The following MORN5 variants were observed in gnomAD, a reference collection of about 807,000 sequenced individuals.
MORN5 encodes MORN repeat-containing protein 5.
In MORN5, 21 loss-of-function variants were observed where a neutral mutation model predicts 22.1. That is an observed-to-expected ratio of 0.95 (90% CI 0.67 to 1.37). The LOEUF (loss-of-function observed/expected upper bound fraction) is 1.37, where lower values mean the gene tolerates loss of function less well. Ranked by LOEUF, MORN5 falls within the 40% of genes most tolerant of loss-of-function variation. MORN5 has a pLI of 0.00. For synonymous variants in MORN5, 73 were observed against 74.0 expected (o/e 0.99, Z 0.07); for missense variants, 211 against 215.1 (o/e 0.98, Z 0.12).
intron 4 of MORN5, among the ~76,000 whole-genome samples, chr9:122,185,505 C>T (rs1008665560): frequency 6.9e-6 from 1 of 143,944 alleles, no homozygotes; most frequent in African/African-American, 2.7e-5. Context: ...GGATTACAGG[C>T]GTGAGCCACT....
At chr9:122,174,727 GC>G (rs763947478) in intron 4 of MORN5, 100 bp downstream of exon 4, 9 of 1,601,700 alleles carry the variant, frequency 5.6e-6, no homozygotes, top group Non-Finnish European at 6.8e-6. Context: ...TGAGAAAGAA[GC>G]TTTTGCTGAT....
rs921836530 is a variant in MORN5 at position 122,197,347 on chromosome 9, A to G, written c.440-2538A>G. ...GAGAAGGTGAAGATATTCTCAGACAATCATATTAACATATTCCAACAATCG... is the reference window on the plus strand; with the variant it reads ...GAGAAGGTGAAGATATTCTCAGACAGTCATATTAACATATTCCAACAATCG... On this transcript the variant is annotated intron_variant, in intron 4 of 4. Transcript: ENST00000373764. This position sits in a 1 kb window ranked among gnomAD's most constrained non-coding sequence, Gnocchi z 5.7. 2.0e-5 allele frequency among the ~76,000 whole-genome samples: 3 copies of G among 152,218 alleles called. No homozygotes were observed. Among genetic ancestry groups the G allele is most frequent in the Non-Finnish European group, 4.4e-5 (3 of 68,042 alleles).
At chr9:122,189,063 C>T (rs1034398098) in intron 4 of MORN5, among the ~76,000 whole-genome samples, 2 of 151,980 alleles carry the variant, frequency 1.3e-5, no homozygotes, top group Non-Finnish European at 1.5e-5. Flanking sequence ...GGTGTGGTGG[C>T]GGGTGCCTGT....
intron 1 of MORN5, among the ~76,000 whole-genome samples, chr9:122,163,425 G>A (rs1829231241): frequency 2.0e-5 from 3 of 152,250 alleles, no homozygotes; most frequent in Non-Finnish European, 2.9e-5. Flanking sequence ...GAGCCCTGCT[G>A]CTGTGGCCCT....
intron 4 of MORN5, among the ~76,000 whole-genome samples, chr9:122,176,561 T>G (rs1373151744): frequency 6.6e-6 from 1 of 152,196 alleles, no homozygotes; most frequent in Non-Finnish European, 1.5e-5. Flanking sequence ...CTGCGTTATC[T>G]TGTATCAGTA....
At chr9:122,166,286 A>G (rs1227857566) in intron 1 of MORN5, among the ~76,000 whole-genome samples, 4 of 151,844 alleles carry the variant, frequency 2.6e-5, no homozygotes, top group Non-Finnish European at 5.9e-5. Context: ...AAGATTATAT[A>G]TATATATAAT....
intron 1 of MORN5, 88 bp downstream of exon 1, chr9:122,160,107 C>T: frequency 8.0e-7 from 1 of 1,249,470 alleles, no homozygotes; most frequent in Non-Finnish European, 1.1e-6. Flanking sequence ...ACACCTTGTG[C>T]CAGGCACTTT....
At chr9:122,182,677 G>T (rs1298213701) in intron 4 of MORN5, among the ~76,000 whole-genome samples, 2 of 152,214 alleles carry the variant, frequency 1.3e-5, no homozygotes, top group African/African-American at 4.8e-5. Context: ...CTTGAACCTG[G>T]GAGGCAGAGG....
intron 1 of MORN5, among the ~76,000 whole-genome samples, chr9:122,164,117 G>T (rs371507963): frequency 3.9e-5 from 6 of 152,166 alleles, no homozygotes; most frequent in East Asian, 1.9e-4. Flanking sequence ...CTATAAAGTG[G>T]TTTTTTTCTT....
chr9:122,185,774 A>C (rs1290310238), intron 4 of MORN5, among the ~76,000 whole-genome samples: 3 of 152,302 alleles, frequency 2.0e-5, no homozygotes, highest in Admixed American at 1.3e-4. Flanking sequence ...TCACATGTCC[A>C]ACCCCACACA....
chr9:122,199,107 C>T (rs1447858076), intron 4 of MORN5, among the ~76,000 whole-genome samples: 27 of 152,256 alleles, frequency 1.8e-4, no homozygotes, highest in East Asian at 1.9e-4. Context: ...ATGATGGCAG[C>T]GTGCTGTGGA....
rs115605730 is a variant in MORN5, at chr9:122,191,166, C to T, written c.440-8719C>T. ...TGCTCTCTGCACGTGATGACACACA[C>T]TGAGACTTTAGGGACTCACATCCTG... is the stretch of plus-strand genomic sequence containing the variant. On this transcript the variant is annotated intron_variant, in intron 4 of 4. Coordinates refer to ENST00000373764, the MANE Select transcript of MORN5 (RefSeq NM_198469.4). Among the ~76,000 whole-genome samples the T allele has an allele frequency of 2.4e-3, 371 of 152,346 alleles. 2 individuals carry two copies. Among genetic ancestry groups the T allele is most frequent in the African/African-American group, 8.5e-3 (352 of 41,584 alleles).
chr9:122,166,128 T>C (rs934175634), intron 1 of MORN5, among the ~76,000 whole-genome samples: 2 of 152,056 alleles, frequency 1.3e-5, no homozygotes, highest in African/African-American at 2.4e-5. Context: ...ATGAGACTTA[T>C]TCACTATCAT....
chr9:122,167,041 C>G (rs528016371), intron 2 of MORN5, 126 bp downstream of exon 2: 2 of 789,694 alleles, frequency 2.5e-6, no homozygotes, highest in East Asian at 6.0e-5. Flanking sequence ...CTTTGCTTCT[C>G]CCCCACTCCC....
At position 122,197,172 on chromosome 9, in the gene MORN5, C is replaced by A. The variant is rs1829910748; in HGVS notation, c.440-2713C>A. ...AATTTTTAAGATAAATGCACCAAAC[C>A]AGAAATCTTCCTTCTCTCTGCACCA... On this transcript the variant is annotated intron_variant, in intron 4 of 4. Transcript: ENST00000373764. The surrounding 1 kb of genome is among the most constrained non-coding windows in gnomAD (Gnocchi z 5.7). Among the ~76,000 whole-genome samples, 1 of 152,144 alleles carries A rather than the reference C, an allele frequency of 6.6e-6. No individual in the cohort carries two copies. The highest frequency in any genetic ancestry group is 1.5e-5 in the Non-Finnish European group (1 of 68,036).
At chr9:122,191,361 G>A (rs989543963) in intron 4 of MORN5, among the ~76,000 whole-genome samples, 2 of 152,198 alleles carry the variant, frequency 1.3e-5, no homozygotes, top group African/African-American at 2.4e-5. Flanking sequence ...TTCACTGAGC[G>A]TAACTCTGGT....
At chr9:122,172,610 G>A (rs775295779) in intron 3 of MORN5, among the ~76,000 whole-genome samples, 1 of 152,088 alleles carries the variant, frequency 6.6e-6, no homozygotes, top group Non-Finnish European at 1.5e-5. Context: ...TCCCACACTA[G>A]GTAAGGTCTC....
chr9:122,182,286 C>T (rs557987277), intron 4 of MORN5, among the ~76,000 whole-genome samples: 1 of 152,350 alleles, frequency 6.6e-6, no homozygotes, highest in East Asian at 1.9e-4. Flanking sequence ...TTTCTCCGCC[C>T]ATCTCAGTCC....
intron 4 of MORN5, among the ~76,000 whole-genome samples, chr9:122,195,902 G>A (rs561174661): frequency 6.6e-6 from 1 of 152,018 alleles, no homozygotes; most frequent in Non-Finnish European, 1.5e-5. Context: ...TTTATGCAAG[G>A]TCTTTTTGCT....
Sources: gnomAD v4.1 joint callset for allele counts (sites outside exome capture counted in the v4.1 genomes callset) on GRCh38, gnomAD v4.1.1 for gene constraint, Gnocchi (gnomAD v3.1) non-coding constraint, MANE v1.5 for transcripts, NCBI Gene and HGNC (gene_info 2026-07-23, HGNC 2026-07-21) for gene names.